Variants in DGKG observed in about 807,000 individuals in gnomAD.
DGKG encodes diacylglycerol kinase gamma.
A neutral mutation model predicts 105.3 loss-of-function variants in DGKG; 78 were observed. That is an observed-to-expected ratio of 0.74 (90% CI 0.62 to 0.89). The LOEUF is 0.89. DGKG is among the 40% of genes least tolerant of loss of function. The pLI, the probability that DGKG is intolerant of heterozygous loss-of-function variation, is 0.00. For missense variants in DGKG, 958 were observed against 1,020.1 expected (o/e 0.94, Z 0.83); for synonymous variants, 346 against 367.1 (o/e 0.94, Z 0.66).
rs140207787 is a variant in DGKG at position 186,164,537 on chromosome 3, G to A, written c.2216+361C>T. Among the ~76,000 whole-genome samples, 940 of 152,292 alleles carry A rather than the reference G, an allele frequency of 6.2e-3. 16 individuals carry two copies. Among genetic ancestry groups the A allele is most frequent in the African/African-American group, 0.021 (888 of 41,562 alleles). On this transcript the variant is annotated intron_variant, in intron 23 of 24. Transcript: ENST00000265022. The stretch of plus-strand genomic sequence containing the variant: ...AGAGACATCTTTTTTTTATCAGAGT[G>A]TGCCCTCTGGCATCCCTCTGCCATC...
intron 10 of DGKG, among the ~76,000 whole-genome samples, chr3:186,272,984 C>T (rs1722391286): frequency 6.6e-6 from 1 of 152,202 alleles, no homozygotes; most frequent in African/African-American, 2.4e-5. Flanking sequence ...CCGCCTCAGC[C>T]TCCCTAAGTG....
chr3:186,172,908 G>A (rs1481852799), intron 22 of DGKG, among the ~76,000 whole-genome samples: 2 of 152,228 alleles, frequency 1.3e-5, no homozygotes, highest in East Asian at 1.9e-4. Context: ...CAGGCTGGGG[G>A]CCTTAAACAA....
intron 20 of DGKG, among the ~76,000 whole-genome samples, chr3:186,220,141 C>T (rs1317276404): frequency 1.3e-5 from 2 of 152,128 alleles, no homozygotes; most frequent in African/African-American, 2.4e-5. Context: ...ACCAGAGACA[C>T]GGATTGAATG....
intron 17 of DGKG, chr3:186,257,652 T>C (rs1175270877): frequency 3.9e-6 from 2 of 513,586 alleles, no homozygotes; most frequent in Non-Finnish European, 7.0e-6. Context: ...TACCTCCGTA[T>C]TGGAGGGAAT....
intron 2 of DGKG, among the ~76,000 whole-genome samples, chr3:186,310,881 C>G (rs1724510055): frequency 1.3e-5 from 2 of 152,194 alleles, no homozygotes; most frequent in South Asian, 4.1e-4. Flanking sequence ...CAACTACCCT[C>G]TAATGTAATA....
intron 9 of DGKG, among the ~76,000 whole-genome samples, chr3:186,276,218 T>C (rs913785688): frequency 6.6e-6 from 1 of 152,214 alleles, no homozygotes; most frequent in African/African-American, 2.4e-5. Flanking sequence ...ATCCGTCTGA[T>C]GTAATGTTAG....
chr3:186,330,609 A>C (rs1287424720), intron 1 of DGKG, among the ~76,000 whole-genome samples: 1 of 152,182 alleles, frequency 6.6e-6, no homozygotes, highest in Non-Finnish European at 1.5e-5. Context: ...CCACATGGAG[A>C]GGCCACGTGG....
rs778288552 is a variant in DGKG at position 186,320,398 on chromosome 3, G to A, written c.62C>T (p.Ser21Leu). 42 of 1,614,042 alleles carry A rather than the reference G, an allele frequency of 2.6e-5. No individual in the cohort carries two copies. The highest frequency in any genetic ancestry group is 3.5e-5 in the Non-Finnish European group (41 of 1,180,018). Residue 21 changes from serine (S) to leucine (L), a missense_variant, in exon 2 of 25, where the codon TCA (serine) becomes TTA (leucine). This residue lies in a region of DGKG where 643 missense variants were observed against 619.5 expected (regional missense o/e 1.04). Transcript: ENST00000265022. ...CTGTCAATGCATTTACTCACATTCTGAATATTTCTGGAGTTGGTCAAATTC... is the reference window on the plus strand; with the variant it reads ...CTGTCAATGCATTTACTCACATTCTAAATATTTCTGGAGTTGGTCAAATTC... ...PEEFDQLQKY[S>L]EYSSKKIKDA... is the part of the protein sequence containing the mutation.
At chr3:186,172,401 G>A (rs1382574835) in intron 22 of DGKG, among the ~76,000 whole-genome samples, 3 of 152,210 alleles carry the variant, frequency 2.0e-5, no homozygotes, top group Non-Finnish European at 4.4e-5. Flanking sequence ...GGAGGGGCAG[G>A]GCCCCTGACT....
chr3:186,166,203 A>G (rs1442293475), intron 22 of DGKG, among the ~76,000 whole-genome samples: 2 of 152,228 alleles, frequency 1.3e-5, no homozygotes, highest in African/African-American at 4.8e-5. Flanking sequence ...CTGACCACAA[A>G]TGTGTCAACA....
intron 21 of DGKG, among the ~76,000 whole-genome samples, chr3:186,202,515 T>G (rs1484332603): frequency 6.6e-6 from 1 of 152,270 alleles, no homozygotes; most frequent in Admixed American, 6.5e-5. Context: ...TGTGTGGTGA[T>G]GAAGATCATG....
Position 186,161,887 on chromosome 3 carries a change from CTG to C in DGKG, c.2217-226_2217-225del, listed in dbSNP as rs34580207. ...GGCCCAGTGGTCTGTGTTTCTGTGTCTGTGTGTGTGTGTGTGTGTGTTTTGAG... is the reference window on the plus strand; with the variant it reads ...GGCCCAGTGGTCTGTGTTTCTGTGTCTGTGTGTGTGTGTGTGTGTTTTGAG... On this transcript the variant is annotated intron_variant, in intron 23 of 24. Coordinates refer to ENST00000265022, the MANE Select transcript of DGKG (RefSeq NM_001346.3). 6.5e-4 allele frequency among the ~76,000 whole-genome samples: 97 copies of C among 149,948 alleles called. 1 individual carries two copies. The highest frequency in any genetic ancestry group is 1.3e-3 in the African/African-American group (52 of 41,038).
intron 22 of DGKG, among the ~76,000 whole-genome samples, chr3:186,178,441 G>A (rs1717198093): frequency 6.6e-6 from 1 of 152,186 alleles, no homozygotes; most frequent in African/African-American, 2.4e-5. Flanking sequence ...GTCTAGTCCT[G>A]CCAAAGAGCC....
rs868240760 is a variant in DGKG at position 186,318,717 on chromosome 3, G to A, written c.67+1676C>T. ...ATCCGCAAGCCAAAAACACAGCCCT[G>A]GGATGGATCCCTTCTCCACAGCTCT... On this transcript the variant is annotated intron_variant, in intron 2 of 24. Transcript: ENST00000265022. Among the ~76,000 whole-genome samples, 7 of 152,142 alleles carry A rather than the reference G, an allele frequency of 4.6e-5. 1 individual carries two copies. The highest frequency in any genetic ancestry group is 4.1e-4 in the South Asian group (2 of 4,824).
chr3:186,150,707 T>C (rs977891168), intron 24 of DGKG, among the ~76,000 whole-genome samples: 8 of 152,344 alleles, frequency 5.3e-5, no homozygotes, highest in East Asian at 1.9e-4. Context: ...GAGTTCCCAA[T>C]TGAGTGCCTT....
Position 186,268,933 on chromosome 3 carries a change from G to C in DGKG, c.1000-16C>G. On this transcript the variant is annotated splice_polypyrimidine_tract_variant and intron_variant, in intron 11 of 24. Transcript: ENST00000265022. Reference sequence around the variant, plus strand: ...GCTGCATCACCTGCGGGAGGGAAGCGAACGATGCCAGGGAAAATGGCAGAA... The same window carrying C: ...GCTGCATCACCTGCGGGAGGGAAGCCAACGATGCCAGGGAAAATGGCAGAA... 1 of 1,580,318 alleles carries C rather than the reference G, an allele frequency of 6.3e-7. No individual in the cohort carries two copies. Among genetic ancestry groups the C allele is most frequent in the Non-Finnish European group, 8.7e-7 (1 of 1,149,966 alleles).
intron 11 of DGKG, among the ~76,000 whole-genome samples, chr3:186,270,451 A>G (rs779305620): frequency 1.3e-5 from 2 of 152,252 alleles, no homozygotes; most frequent in Non-Finnish European, 2.9e-5. Context: ...GTTTTAAATT[A>G]CTTAGCAATT....
chr3:186,344,108 G>C (rs1726216343), intron 1 of DGKG, among the ~76,000 whole-genome samples: 1 of 152,230 alleles, frequency 6.6e-6, no homozygotes, highest in Non-Finnish European at 1.5e-5. Flanking sequence ...AGGTTGTGGA[G>C]AAAAGGGAAT....
chr3:186,334,850 G>C (rs143127325), intron 1 of DGKG, among the ~76,000 whole-genome samples: 124 of 152,198 alleles, frequency 8.1e-4, no homozygotes, highest in African/African-American at 2.1e-3. Flanking sequence ...ACGGGCATTG[G>C]CTTGTGGCAG....
Sources: allele counts gnomAD v4.1 joint callset (sites outside exome capture counted in the v4.1 genomes callset), GRCh38; gene constraint gnomAD v4.1.1; regional missense constraint gnomAD v4.1.1; transcripts MANE v1.5; gene names NCBI Gene and HGNC (gene_info 2026-07-23, HGNC 2026-07-21).